GLIS3: variants seen among roughly 807,000 people sequenced by gnomAD.
The protein encoded by GLIS3 is GLIS family zinc finger 3.
A neutral mutation model predicts 78.6 loss-of-function variants in GLIS3; 53 were observed. The observed-to-expected ratio is 0.67, with a 90% CI of 0.54 to 0.85. GLIS3 has a LOEUF of 0.85. GLIS3 is among the 40% of genes least tolerant of loss of function. The pLI, the probability that GLIS3 is intolerant of heterozygous loss-of-function variation, is 0.00. For synonymous variants in GLIS3, 684 were observed against 509.9 expected (o/e 1.34, Z -4.60); for missense variants, 1,703 against 1,231.1 (o/e 1.38, Z -5.74).
chr9:4,484,883 G>A, the GLIS3 span, among the ~76,000 whole-genome samples: 8 of 152,146 alleles, frequency 5.3e-5, no homozygotes, highest in East Asian at 1.9e-4. Flanking sequence ...ATTCTGCTAA[G>A]TTGTAGGCAT....
chr9:4,470,632 C>A, the GLIS3 span, among the ~76,000 whole-genome samples: 8 of 152,032 alleles, frequency 5.3e-5, no homozygotes, highest in African/African-American at 1.4e-4. Context: ...CTATGACAAA[C>A]CCACAGCCAA....
At chr9:4,378,902 T>G in the GLIS3 span, among the ~76,000 whole-genome samples, 1 of 152,214 alleles carries the variant, frequency 6.6e-6, no homozygotes, top group Admixed American at 6.5e-5. Context: ...GAGGTACATC[T>G]GAGCCCCCAT....
chr9:4,341,851 A>G (rs916493803), intron 2 of GLIS3, among the ~76,000 whole-genome samples: 9 of 152,156 alleles, frequency 5.9e-5, no homozygotes, highest in African/African-American at 2.2e-4. Flanking sequence ...ATTAAATCTC[A>G]TAACAGTTAA....
chr9:4,181,012 CA>C (rs1444825963), intron 2 of GLIS3, among the ~76,000 whole-genome samples: 4 of 152,162 alleles, frequency 2.6e-5, no homozygotes, highest in Non-Finnish European at 5.9e-5. Flanking sequence ...GATGTTGAAG[CA>C]AGGTGTCCAC....
chr9:4,154,708 ATTGAG>A (rs1406553612), intron 2 of GLIS3, among the ~76,000 whole-genome samples: 2 of 152,194 alleles, frequency 1.3e-5, no homozygotes, highest in Non-Finnish European at 2.9e-5. Flanking sequence ...CTGCCAGTAG[ATTGAG>A]TTGAGAGTGT....
chr9:4,482,940 G>T, the GLIS3 span, among the ~76,000 whole-genome samples: 2 of 152,158 alleles, frequency 1.3e-5, no homozygotes, highest in African/African-American at 4.8e-5. Context: ...AAAGAGAGAA[G>T]CTAACATTTA....
At chr9:4,179,865 G>A (rs931383034) in intron 2 of GLIS3, among the ~76,000 whole-genome samples, 10 of 151,542 alleles carry the variant, frequency 6.6e-5, no homozygotes, top group African/African-American at 1.2e-4. Context: ...AGACAAGATC[G>A]TGCCACTGTA....
intron 7 of GLIS3, among the ~76,000 whole-genome samples, chr9:3,894,191 G>C (rs1004467770): frequency 2.6e-5 from 4 of 152,192 alleles, no homozygotes; most frequent in Non-Finnish European, 4.4e-5. Flanking sequence ...CAGTGCTTTT[G>C]AAGTTAATGC....
intron 7 of GLIS3, among the ~76,000 whole-genome samples, chr9:3,880,643 G>A (rs10973996): frequency 0.16 from 23,587 of 152,084 alleles, 1,933 homozygotes; most frequent in Non-Finnish European, 0.18. Context: ...CCACATTATC[G>A]AAAAGATTTG....
the GLIS3 span, among the ~76,000 whole-genome samples, chr9:4,484,366 T>C: frequency 6.7e-6 from 1 of 148,916 alleles, no homozygotes; most frequent in Admixed American, 6.8e-5. Flanking sequence ...GCCTCCCGAG[T>C]AGCTGGGACC....
chr9:4,118,083 A>G lies in GLIS3; in HGVS notation c.1395T>C (p.His465=), dbSNP rs752606768. ...PPGPPPPYHA[H]AHLHHPELGP... ...CGAGCTCCGGGTGGTGAAGGTGCGC[A>G]TGGGCATGGTAAGGGGGTGGGGGGC... The change falls in exon 4 of 11, where the codon CAT becomes CAC. Residue 465 remains histidine (H), a synonymous_variant. Coordinates refer to ENST00000381971, the MANE Select transcript of GLIS3 (RefSeq NM_001042413.2). The surrounding 1 kb of genome is among the most constrained non-coding windows in gnomAD (Gnocchi z 4.7). 1.5e-5 allele frequency: 17 copies of G among 1,140,458 alleles called. No homozygotes were observed. In the East Asian group the frequency reaches 5.0e-4, roughly 34 times the overall value. The allele number at this position is 1,140,458 out of a possible 1,614,324, so 70.6% of individuals were successfully genotyped here.
At chr9:4,195,345 A>T (rs1007451417) in intron 2 of GLIS3, among the ~76,000 whole-genome samples, 4 of 152,020 alleles carry the variant, frequency 2.6e-5, no homozygotes, top group South Asian at 4.2e-4. Flanking sequence ...CTCGCAGGCC[A>T]GCGCGAGTTC....
Position 3,933,333 on chromosome 9 carries a change from G to A in GLIS3, c.1873-863C>T, listed in dbSNP as rs151130981. Among the ~76,000 whole-genome samples the A allele has an allele frequency of 5.7e-4, 86 of 152,174 alleles. No individual in the cohort carries two copies. The East Asian group carries it at 0.013, about 22-fold the overall frequency. ...TGGGATTAAAGGTGTGTGCCACCAC[G>A]CCCAGCACTTTTTAATTTTTGTATC... On this transcript the variant is annotated intron_variant, in intron 5 of 10. Coordinates refer to ENST00000381971, the MANE Select transcript of GLIS3 (RefSeq NM_001042413.2).
chr9:4,361,218 G>C, the GLIS3 span, among the ~76,000 whole-genome samples: 2 of 152,122 alleles, frequency 1.3e-5, no homozygotes, highest in Admixed American at 1.3e-4. Flanking sequence ...GTTTTCTCTA[G>C]GCAGTCTTAA....
At chr9:4,223,056 G>A (rs1821468799) in intron 2 of GLIS3, among the ~76,000 whole-genome samples, 1 of 152,016 alleles carries the variant, frequency 6.6e-6, no homozygotes, top group Admixed American at 6.5e-5. Context: ...CACTTTTTGA[G>A]TACAGACATC....
intron 4 of GLIS3, among the ~76,000 whole-genome samples, chr9:4,076,006 C>T (rs894940813): frequency 6.6e-5 from 10 of 152,126 alleles, no homozygotes; most frequent in Non-Finnish European, 1.2e-4. Context: ...AAAATTAGTA[C>T]TTTGTGAGGT....
intron 2 of GLIS3, among the ~76,000 whole-genome samples, chr9:4,239,030 T>C (rs1468869326): frequency 6.6e-6 from 1 of 152,010 alleles, no homozygotes; most frequent in Non-Finnish European, 1.5e-5. Context: ...TCATTTTTTA[T>C]GGCTGCATAG....
At chr9:4,480,953 C>A in the GLIS3 span, among the ~76,000 whole-genome samples, 2 of 151,788 alleles carry the variant, frequency 1.3e-5, no homozygotes, top group South Asian at 4.2e-4. Context: ...CTCGGGGGTT[C>A]AAGTGGTCCT....
Position 4,299,885 on chromosome 9 carries a change from T to TGGACGGCGC in GLIS3, c.-572_-564dup, listed in dbSNP as rs955027492. On this transcript the variant is annotated 5_prime_UTR_variant, in exon 1 of 11. Coordinates refer to ENST00000381971, the MANE Select transcript of GLIS3 (RefSeq NM_001042413.2). ...GCGGGTTCCGTCGCCGGTGTGACCCTGGACGGCGCGGACGGCGTACAGGGG... is the reference window on the plus strand; with the variant it reads ...GCGGGTTCCGTCGCCGGTGTGACCCTGGACGGCGCGGACGGCGCGGACGGCGTACAGGGG... The TGGACGGCGC allele has an allele frequency of 6.6e-6, 1 of 152,110 alleles. No homozygotes were observed. The highest frequency in any genetic ancestry group is 2.4e-5 in the African/African-American group (1 of 41,394). 9.4% of individuals were successfully genotyped at this position (152,110 alleles called of 1,614,324 possible). A position where few individuals can be genotyped will look rare whatever the true frequency, so the allele number is the denominator to read the frequency against.
Sources: gnomAD v4.1 joint callset for allele counts (sites outside exome capture counted in the v4.1 genomes callset) on GRCh38, gnomAD v4.1.1 for gene constraint, Gnocchi (gnomAD v3.1) non-coding constraint, MANE v1.5 for transcripts, NCBI Gene and HGNC (gene_info 2026-07-23, HGNC 2026-07-21) for gene names.